Variants in PTPRG observed in about 807,000 individuals in gnomAD.
PTPRG encodes the protein receptor-type tyrosine-protein phosphatase gamma.
In PTPRG, 102 loss-of-function variants were observed where a neutral mutation model predicts 165.3. That is an observed-to-expected ratio of 0.62 (90% CI 0.53 to 0.73). The LOEUF is 0.73. PTPRG is among the 30% of genes least tolerant of loss of function. The pLI, the probability that PTPRG is intolerant of heterozygous loss-of-function variation, is 0.00. For synonymous variants in PTPRG, 675 were observed against 669.5 expected (o/e 1.01, Z -0.13); for missense variants, 1,866 against 1,861.4 (o/e 1.00, Z -0.05).
chr3:62,218,887 C>T lies in PTPRG; in HGVS notation c.2192C>T (p.Ala731Val). 6.2e-7 allele frequency: 1 copy of T among 1,613,938 alleles called. No individual in the cohort carries two copies. Among genetic ancestry groups the T allele is most frequent in the Non-Finnish European group, 8.5e-7 (1 of 1,179,842 alleles). ...KNTSGMISRP[A>V]PGRMEWIIPL... Reference sequence around the variant, plus strand: ...ACCTCTGGAATGATAAGCCGCCCTGCTCCAGGGAGGATGGAGTGGATCATC... The same window carrying T: ...ACCTCTGGAATGATAAGCCGCCCTGTTCCAGGGAGGATGGAGTGGATCATC... The change falls in exon 13 of 30, where the codon GCT becomes GTT. Residue 731 changes from alanine (A) to valine (V), a missense_variant. Physicochemically the swap from Ala to Val is moderately conservative, Grantham distance 64. Coordinates refer to ENST00000474889, the MANE Select transcript of PTPRG (RefSeq NM_002841.4).
At chr3:61,804,859 C>T (rs1029702950) in intron 2 of PTPRG, among the ~76,000 whole-genome samples, 39 of 152,300 alleles carry the variant, frequency 2.6e-4, no homozygotes, top group Admixed American at 1.3e-4. Flanking sequence ...GATTTTTCCC[C>T]TTCCTGATGT....
intron 2 of PTPRG, among the ~76,000 whole-genome samples, chr3:61,898,660 A>C (rs1266899864): frequency 2.0e-5 from 3 of 152,186 alleles, no homozygotes; most frequent in African/African-American, 7.2e-5. Flanking sequence ...TGATTTTTGC[A>C]ATGGAGTCTC....
intron 2 of PTPRG, among the ~76,000 whole-genome samples, chr3:61,883,918 G>C (rs575434871): frequency 2.0e-5 from 3 of 152,314 alleles, no homozygotes; most frequent in African/African-American, 7.2e-5. Flanking sequence ...GTCTTACCAT[G>C]TTGCTCAGGC....
intron 2 of PTPRG, among the ~76,000 whole-genome samples, chr3:61,861,463 C>T (rs1421680493): frequency 6.6e-6 from 1 of 152,166 alleles, no homozygotes; most frequent in African/African-American, 2.4e-5. Flanking sequence ...TGCCACAGTT[C>T]CCTGTTATTA....
intron 4 of PTPRG, among the ~76,000 whole-genome samples, chr3:62,007,382 A>G (rs914923888): frequency 1.3e-5 from 2 of 152,260 alleles, no homozygotes; most frequent in African/African-American, 4.8e-5. Context: ...TACAAACAAA[A>G]CAACAAAACA....
At chr3:62,158,213 A>C (rs1277569018) in intron 7 of PTPRG, among the ~76,000 whole-genome samples, 1 of 152,226 alleles carries the variant, frequency 6.6e-6, no homozygotes, top group Non-Finnish European at 1.5e-5. Context: ...AAGTCACCTC[A>C]TGAGGTTTGA....
intron 2 of PTPRG, among the ~76,000 whole-genome samples, chr3:61,780,291 A>T (rs1429472160): frequency 6.6e-6 from 1 of 152,192 alleles, no homozygotes; most frequent in Non-Finnish European, 1.5e-5. Context: ...CACTTTTTGA[A>T]GCTGGAAAAT....
intron 3 of PTPRG, among the ~76,000 whole-genome samples, chr3:61,993,378 C>T (rs573673210): frequency 2.4e-4 from 36 of 152,028 alleles, no homozygotes; most frequent in South Asian, 4.2e-4. Flanking sequence ...CCACCACACC[C>T]GGCTAATTTT....
chr3:61,911,322 T>C (rs749038775), intron 2 of PTPRG, among the ~76,000 whole-genome samples: 1 of 152,184 alleles, frequency 6.6e-6, no homozygotes, highest in Non-Finnish European at 1.5e-5. Context: ...ACCAGAGACA[T>C]AGAAGTCCAA....
At position 62,271,641 on chromosome 3, in the gene PTPRG, T is replaced by C; in HGVS notation, c.3182+86T>C. Reference sequence around the variant, plus strand: ...TTGGACCACAATGATTGCTACTGCTTTCACTTAGAAGCTGAATCTTCCACT... The same window carrying C: ...TTGGACCACAATGATTGCTACTGCTCTCACTTAGAAGCTGAATCTTCCACT... On this transcript the variant is annotated intron_variant, in intron 21 of 29. Coordinates refer to ENST00000474889, the MANE Select transcript of PTPRG (RefSeq NM_002841.4). The surrounding 1 kb of genome is among the most constrained non-coding windows in gnomAD (Gnocchi z 4.1). 1 of 1,267,920 alleles carries C rather than the reference T, an allele frequency of 7.9e-7. No homozygotes were observed. 78.5% of individuals were successfully genotyped at this position (1,267,920 alleles called of 1,614,324 possible).
At chr3:61,816,408 C>T (rs1305356596) in intron 2 of PTPRG, among the ~76,000 whole-genome samples, 13 of 151,936 alleles carry the variant, frequency 8.6e-5, no homozygotes, top group African/African-American at 1.9e-4. Flanking sequence ...GGTGGGGGCC[C>T]GTAATCCTAG....
chr3:62,177,382 A>G (rs1436242715), intron 8 of PTPRG, among the ~76,000 whole-genome samples: 1 of 152,214 alleles, frequency 6.6e-6, no homozygotes, highest in Non-Finnish European at 1.5e-5. Flanking sequence ...GATCTTGGAT[A>G]TGGAAATTAC....
At chr3:61,676,860 C>T (rs535030088) in intron 1 of PTPRG, among the ~76,000 whole-genome samples, 6 of 152,206 alleles carry the variant, frequency 3.9e-5, no homozygotes, top group African/African-American at 1.4e-4. Context: ...GCTTCCATAG[C>T]TAGTTAGATG....
chr3:61,961,329 TA>T (rs2040147612), intron 2 of PTPRG, among the ~76,000 whole-genome samples: 1 of 152,196 alleles, frequency 6.6e-6, no homozygotes, highest in African/African-American at 2.4e-5. Flanking sequence ...GTTGAAGTAT[TA>T]GGGACAGGTG....
chr3:61,740,195 G>T (rs2032923545), intron 1 of PTPRG, among the ~76,000 whole-genome samples: 2 of 152,200 alleles, frequency 1.3e-5, no homozygotes, highest in Admixed American at 1.3e-4. Context: ...GTCTGTCACT[G>T]ATCTTCATTT....
intron 4 of PTPRG, among the ~76,000 whole-genome samples, chr3:62,070,758 T>A (rs1701182177): frequency 6.6e-6 from 1 of 152,198 alleles, no homozygotes; most frequent in Admixed American, 6.5e-5. Flanking sequence ...AGATTCACTG[T>A]GTTTGGATGT....
At position 61,717,191 on chromosome 3, in the gene PTPRG, G is replaced by T. The variant is rs577098388; in HGVS notation, c.86-31687G>T. Among the ~76,000 whole-genome samples the T allele has an allele frequency of 1.4e-4, 21 of 152,224 alleles. 1 individual carries two copies. Among genetic ancestry groups the T allele is most frequent in the Admixed American group, 4.6e-4 (7 of 15,300 alleles). On this transcript the variant is annotated intron_variant, in intron 1 of 29. Coordinates refer to ENST00000474889, the MANE Select transcript of PTPRG (RefSeq NM_002841.4). ...TACAGGCCATTTTTTTCTGCCTTGT[G>T]TGGTTAGTCTCTGAATGCCCACAGG...
chr3:61,967,801 C>G lies in PTPRG; in HGVS notation c.191-21824C>G, dbSNP rs140038247. On this transcript the variant is annotated intron_variant, in intron 2 of 29. Transcript: ENST00000474889. ...AACATTTTAAGTGGAATTTCTGGGTCAAAGTGAATGGATGTTTTTAAAGAT... is the reference window on the plus strand; with the variant it reads ...AACATTTTAAGTGGAATTTCTGGGTGAAAGTGAATGGATGTTTTTAAAGAT... Among the ~76,000 whole-genome samples the G allele has an allele frequency of 4.2e-3, 632 of 152,136 alleles. 9 individuals carry two copies. The highest frequency in any genetic ancestry group is 0.012 in the African/African-American group (494 of 41,524).
rs1460366401 is a variant in PTPRG at position 62,210,940 on chromosome 3, T to A, written c.2155+6990T>A. Among the ~76,000 whole-genome samples, 1 of 152,224 alleles carries A rather than the reference T, an allele frequency of 6.6e-6. No homozygotes were observed. The highest frequency in any genetic ancestry group is 1.5e-5 in the Non-Finnish European group (1 of 68,034). ...AAAGCTTTTGGAGACTCAAAAGTTA[T>A]ACATGAATTTCTGACTATTCAGGGA... On this transcript the variant is annotated intron_variant, in intron 12 of 29. Transcript: ENST00000474889. This position sits in a 1 kb window ranked among gnomAD's most constrained non-coding sequence, Gnocchi z 4.1.
Sources: gnomAD v4.1 joint callset for allele counts (sites outside exome capture counted in the v4.1 genomes callset) on GRCh38, gnomAD v4.1.1 for gene constraint, Gnocchi (gnomAD v3.1) non-coding constraint, MANE v1.5 for transcripts, NCBI Gene and HGNC (gene_info 2026-07-23, HGNC 2026-07-21) for gene names.